The following ZZEF1 variants were observed in gnomAD, a reference collection of about 807,000 sequenced individuals.
ZZEF1 encodes the protein zinc finger ZZ-type and EF-hand domain-containing protein 1.
ZZEF1 carries 157 observed loss-of-function variants against 342.8 expected under a neutral mutation model. The observed-to-expected ratio is 0.46, with a 90% CI of 0.40 to 0.52. The LOEUF is 0.52. Ranked by LOEUF, ZZEF1 falls within the 20% of genes least tolerant of loss-of-function variation. The pLI is 0.00. For missense variants in ZZEF1, 3,480 were observed against 3,725.6 expected (o/e 0.93, Z 1.72); for synonymous variants, 1,505 against 1,429.1 (o/e 1.05, Z -1.20).
chr17:4,035,509 A>G (rs1458520878), intron 39 of ZZEF1, among the ~76,000 whole-genome samples: 1 of 152,158 alleles, frequency 6.6e-6, no homozygotes, highest in Non-Finnish European at 1.5e-5. Context: ...AAGGTCTGGC[A>G]GAGGAGTCAG....
intron 39 of ZZEF1, among the ~76,000 whole-genome samples, chr17:4,036,817 A>ACACACACACT (rs754105162): frequency 4.0e-4 from 29 of 72,592 alleles, no homozygotes; most frequent in African/African-American, 8.5e-4. Context: ...ACACACACAC[A>ACACACACACT]CTCTCTCTCT....
Position 4,077,931 on chromosome 17 carries a change from T to C in ZZEF1, c.2941A>G (p.Ser981Gly), listed in dbSNP as rs767066737. 6.8e-6 allele frequency: 11 copies of C among 1,614,062 alleles called. No homozygotes were observed. The Admixed American group carries it at 1.3e-4, about 20-fold the overall frequency. ...AGATCTTTGGCTCCAGAGTCCGTGC[T>C]CTTCAGCTGCAGGTAGCACCAGGAT... ...LLSWCYLQLK[S>G]TDSGAKDLAV... The change falls in exon 19 of 55, where the codon AGC becomes GGC. Residue 981 changes from serine (S) to glycine (G), a missense_variant. Transcript: ENST00000381638.
Position 4,054,163 on chromosome 17 carries a change from C to A in ZZEF1, c.5328G>T (p.Leu1776=), listed in dbSNP as rs146008099. ...CATCACAAGAGATGTCCACATTTAA[C>A]AGGTCACAGTAGCGAGCAATGAACA... The part of the protein sequence containing the change: ...MHMFIARYCD[L]LNVDISCDGC... Residue 1776 remains leucine, a synonymous_variant, in exon 34 of 55, where the codon CTG becomes CTT. Transcript: ENST00000381638. 1 of 1,613,960 alleles carries A rather than the reference C, an allele frequency of 6.2e-7. No individual in the cohort carries two copies. Among genetic ancestry groups the A allele is most frequent in the Non-Finnish European group, 8.5e-7 (1 of 1,179,922 alleles).
intron 43 of ZZEF1, 74 bp from the exon 44 acceptor site, chr17:4,022,902 T>C (rs1390783777): frequency 1.2e-5 from 18 of 1,561,634 alleles, no homozygotes; most frequent in Non-Finnish European, 1.6e-5. Context: ...TAACTCAGTC[T>C]GTTCATTCAC....
chr17:4,086,735 G>C (rs2057836338), intron 14 of ZZEF1, 80 bp from the exon 15 acceptor site: 3 of 1,457,252 alleles, frequency 2.1e-6, no homozygotes, highest in Non-Finnish European at 2.8e-6. Context: ...GTCTACAAAG[G>C]ACTTTCCTCT....
intron 1 of ZZEF1, among the ~76,000 whole-genome samples, chr17:4,137,735 G>A (rs920698313): frequency 5.9e-5 from 9 of 152,298 alleles, no homozygotes; most frequent in Middle Eastern, 3.4e-3. Flanking sequence ...GGTGGCTGGC[G>A]GCCTCACAGC....
At chr17:4,087,777 ACACAC>A (rs1261340020) in intron 13 of ZZEF1, among the ~76,000 whole-genome samples, 1 of 120,806 alleles carries the variant, frequency 8.3e-6, no homozygotes, top group African/African-American at 3.4e-5. Flanking sequence ...ATAGATATAT[ACACAC>A]AACACACACA....
At chr17:4,114,573 T>C in intron 3 of ZZEF1, 103 bp from the exon 4 acceptor site, 2 of 975,872 alleles carry the variant, frequency 2.0e-6, no homozygotes, top group South Asian at 2.8e-5. Flanking sequence ...ACTCTGGCCC[T>C]AGAAACACAA....
At chr17:4,038,682 G>A (rs1382484115) in intron 39 of ZZEF1, among the ~76,000 whole-genome samples, 3 of 152,132 alleles carry the variant, frequency 2.0e-5, no homozygotes, top group South Asian at 2.1e-4. Context: ...GCACATTCCT[G>A]TAGTCCCAGC....
chr17:4,025,093 C>T lies in ZZEF1; in HGVS notation c.6918G>A (p.Lys2306=), dbSNP rs2056373809. The part of the protein sequence containing the change: ...KTVKDYQLVQ[K]GGGQECGDSR... ...AGTCACCACACTCTTGTCCTCCTCC[C>T]TTCTGGACCAGCTGGTAGTCCTTCA... The change falls in exon 43 of 55, where the codon AAG becomes AAA. Residue 2306 remains lysine (K), a synonymous_variant. Coordinates refer to ENST00000381638, the MANE Select transcript of ZZEF1 (RefSeq NM_015113.4). The T allele has an allele frequency of 6.2e-7, 1 of 1,614,152 alleles. No individual in the cohort carries two copies. The highest frequency in any genetic ancestry group is 1.1e-5 in the South Asian group (1 of 91,084).
Position 4,014,593 on chromosome 17 carries a change from T to G in ZZEF1, c.8146-78A>C. 1 of 1,492,264 alleles carries G rather than the reference T, an allele frequency of 6.7e-7. No individual in the cohort carries two copies. Among genetic ancestry groups the G allele is most frequent in the Non-Finnish European group, 9.3e-7 (1 of 1,079,996 alleles). The allele number at this position is 1,492,264 out of a possible 1,614,324, so 92.4% of individuals were successfully genotyped here. On this transcript the variant is annotated intron_variant, in intron 49 of 54. Transcript: ENST00000381638. This position sits in a 1 kb window ranked among gnomAD's most constrained non-coding sequence, Gnocchi z 4.4. ...ACTGCAGCTGTCCCATGCCGAGTCC[T>G]GTGGCTGGACCCGGGTGTGTGAGAA...
chr17:4,085,554 A>G (rs2057802776), intron 16 of ZZEF1, 116 bp downstream of exon 16: 36 of 1,297,764 alleles, frequency 2.8e-5, no homozygotes, highest in Non-Finnish European at 3.7e-5. Context: ...TCTGCATATA[A>G]TATTAATACA....
chr17:4,088,742 C>T lies in ZZEF1; in HGVS notation c.2177G>A (p.Ser726Asn). The T allele has an allele frequency of 6.2e-7, 1 of 1,614,250 alleles. No individual in the cohort carries two copies. Among genetic ancestry groups the T allele is most frequent in the Non-Finnish European group, 8.5e-7 (1 of 1,180,040 alleles). ...CAHCRKDTEE[S>N]VCGATLLLRT... ...GAGGAGCAACGTGGCCCCACAGACA[C>T]TCTCCTCTGTGTCCTTTCTGCAGTG... The change falls in exon 13 of 55, where the codon AGT becomes AAT. Residue 726 changes from serine to asparagine, a missense_variant. Transcript: ENST00000381638.
chr17:4,045,876 G>A (rs1287935092), intron 37 of ZZEF1, among the ~76,000 whole-genome samples: 1 of 150,130 alleles, frequency 6.7e-6, no homozygotes, highest in African/African-American at 2.4e-5. Context: ...TACCCAGGCT[G>A]GAGTGCAGGG....
chr17:4,122,503 C>T (rs994726239), intron 2 of ZZEF1, among the ~76,000 whole-genome samples: 7 of 152,046 alleles, frequency 4.6e-5, no homozygotes, highest in African/African-American at 1.7e-4. Context: ...CCTTAGCCTC[C>T]CGAATAGCTG....
At chr17:4,083,076 GA>G (rs2057754105) in intron 16 of ZZEF1, among the ~76,000 whole-genome samples, 1 of 152,170 alleles carries the variant, frequency 6.6e-6, no homozygotes, top group Non-Finnish European at 1.5e-5. Flanking sequence ...GCACCCAGCT[GA>G]TAATATACTT....
rs148517161 is a variant in ZZEF1, at chr17:4,102,198, G to A, written c.1672+119C>T. 1,523 of 866,266 alleles carry A rather than the reference G, an allele frequency of 1.8e-3. 6 individuals are homozygous for A. The highest frequency in any genetic ancestry group is 0.01 in the Admixed American group (440 of 42,260). The allele number at this position is 866,266 out of a possible 1,614,324, so 53.7% of individuals were successfully genotyped here. On this transcript the variant is annotated intron_variant, in intron 9 of 54. Coordinates refer to ENST00000381638, the MANE Select transcript of ZZEF1 (RefSeq NM_015113.4). Reference sequence around the variant, plus strand: ...AATTGCTCAGCAACCACTGCCAACTGAGAAACAACCTAAAATTGAAGACTG... The same window carrying A: ...AATTGCTCAGCAACCACTGCCAACTAAGAAACAACCTAAAATTGAAGACTG...
At chr17:4,047,082 A>C (rs1203729698) in intron 37 of ZZEF1, among the ~76,000 whole-genome samples, 1 of 152,176 alleles carries the variant, frequency 6.6e-6, no homozygotes, top group Non-Finnish European at 1.5e-5. Flanking sequence ...AGCCAGAGGC[A>C]GGATACCCTG....
At chr17:4,058,281 G>T in intron 31 of ZZEF1, 126 bp from the exon 32 acceptor site, 1 of 1,034,754 alleles carries the variant, frequency 9.7e-7, no homozygotes, top group Non-Finnish European at 1.4e-6. Flanking sequence ...GCTGGTTTGG[G>T]TTCCTTTCAA....
Sources: allele counts gnomAD v4.1 joint callset (sites outside exome capture counted in the v4.1 genomes callset), GRCh38; gene constraint gnomAD v4.1.1; non-coding constraint Gnocchi (gnomAD v3.1); transcripts MANE v1.5; gene names NCBI Gene and HGNC (gene_info 2026-07-23, HGNC 2026-07-21).